The following FMN2 variants were observed in gnomAD, a reference collection of about 807,000 sequenced individuals.
The protein encoded by FMN2 is formin-2.
In FMN2, 51 loss-of-function variants were observed where a neutral mutation model predicts 142.3. The ratio of observed to expected loss-of-function variants is 0.36; its 90% CI spans 0.29 to 0.45. The LOEUF (loss-of-function observed/expected upper bound fraction) is 0.45, where lower values mean the gene tolerates loss of function less well. Ranked by LOEUF, FMN2 falls within the 20% of genes least tolerant of loss-of-function variation. The pLI is 1.00. For synonymous variants in FMN2, 882 were observed against 869.8 expected (o/e 1.01, Z -0.25); for missense variants, 1,936 against 2,122.8 (o/e 0.91, Z 1.73).
chr1:240,398,912 T>C (rs1318676930), intron 15 of FMN2, among the ~76,000 whole-genome samples: 1 of 152,136 alleles, frequency 6.6e-6, no homozygotes, highest in Non-Finnish European at 1.5e-5. Flanking sequence ...AAAAGTTTAG[T>C]GGTAGAATTA....
intron 14 of FMN2, among the ~76,000 whole-genome samples, chr1:240,368,370 T>C (rs987759851): frequency 2.6e-4 from 39 of 152,190 alleles, no homozygotes; most frequent in Non-Finnish European, 7.4e-5. Flanking sequence ...TGGTACAGAC[T>C]AGTGTTTATT....
intron 14 of FMN2, among the ~76,000 whole-genome samples, chr1:240,357,746 T>TA (rs1672322191): frequency 6.6e-6 from 1 of 151,998 alleles, no homozygotes; most frequent in Non-Finnish European, 1.5e-5. Flanking sequence ...TAGCTGCAAT[T>TA]ACAGGCACCC....
chr1:240,441,137 G>A (rs935590859), intron 16 of FMN2, among the ~76,000 whole-genome samples: 1 of 151,718 alleles, frequency 6.6e-6, no homozygotes, highest in South Asian at 2.1e-4. Flanking sequence ...TGAGACTACA[G>A]GTGCCCGCCT....
intron 16 of FMN2, among the ~76,000 whole-genome samples, chr1:240,465,423 G>A (rs181398195): frequency 6.6e-6 from 1 of 150,958 alleles, no homozygotes; most frequent in East Asian, 2.0e-4. Context: ...CTACTTTTGG[G>A]TAAAAAAGCT....
intron 14 of FMN2, among the ~76,000 whole-genome samples, chr1:240,376,299 G>A (rs1460943257): frequency 6.6e-6 from 1 of 151,760 alleles, no homozygotes; most frequent in Non-Finnish European, 1.5e-5. Context: ...TTTTAATTGG[G>A]GACATTTAGA....
chr1:240,382,663 A>G (rs781321104), intron 14 of FMN2, among the ~76,000 whole-genome samples: 24 of 152,012 alleles, frequency 1.6e-4, no homozygotes, highest in Admixed American at 5.2e-4. Context: ...TCCCTCTCAA[A>G]AAGAAAAAAA....
At chr1:240,238,905 T>C (rs975130020) in intron 6 of FMN2, among the ~76,000 whole-genome samples, 1 of 152,202 alleles carries the variant, frequency 6.6e-6, no homozygotes, top group African/African-American at 2.4e-5. Context: ...TTTCCATTTA[T>C]GATGCTCAAG....
At chr1:240,327,884 T>G (rs7413977) in intron 8 of FMN2, among the ~76,000 whole-genome samples, 11,566 of 151,846 alleles carry the variant, frequency 0.076, 641 homozygotes, top group Admixed American at 0.19. Flanking sequence ...CAGTGGCTCA[T>G]GCCTGTAATC....
intron 8 of FMN2, among the ~76,000 whole-genome samples, chr1:240,325,664 A>G (rs1484650868): frequency 2.0e-5 from 3 of 152,208 alleles, no homozygotes; most frequent in South Asian, 2.1e-4. Flanking sequence ...CTGAAATCGA[A>G]CAAGGCAATG....
chr1:240,301,214 G>T (rs1670186991), intron 8 of FMN2, among the ~76,000 whole-genome samples: 1 of 146,186 alleles, frequency 6.8e-6, no homozygotes, highest in Non-Finnish European at 1.5e-5. Context: ...ATATTTTTCA[G>T]TTATGCTAGG....
At chr1:240,367,104 T>G (rs1332712753) in intron 14 of FMN2, among the ~76,000 whole-genome samples, 1 of 152,218 alleles carries the variant, frequency 6.6e-6, no homozygotes, top group East Asian at 1.9e-4. Context: ...ATTTTATTTT[T>G]TTTAGTTGTT....
chr1:240,111,908 C>G (rs2103196023), intron 1 of FMN2, among the ~76,000 whole-genome samples: 1 of 152,248 alleles, frequency 6.6e-6, no homozygotes, highest in East Asian at 1.9e-4. Flanking sequence ...AGTCAAGGTA[C>G]AGAGTCCACG....
In FMN2 at chr1:240,208,648, A is replaced by G. The variant is rs770453874; in HGVS notation, c.3836A>G (p.Asp1279Gly). ...SGLFGLGMNQDKGSRKQPIEP... is the reference protein window; with the variant it reads ...SGLFGLGMNQGKGSRKQPIEP... ...TTGTTTGGATTAGGGATGAATCAGG[A>G]CAAAGGGAGTAGGAAGCAGCCCATA... is the stretch of plus-strand genomic sequence containing the variant. The change falls in exon 5 of 18, where the codon GAC becomes GGC. Residue 1279 changes from aspartate (D) to glycine (G), a missense_variant. Physicochemically the swap from Asp to Gly is moderately conservative, Grantham distance 94 (BLOSUM62 -1). Coordinates refer to ENST00000319653, the MANE Select transcript of FMN2 (RefSeq NM_020066.5). 2.5e-6 allele frequency: 4 copies of G among 1,613,894 alleles called. No individual in the cohort carries two copies. In the East Asian group the frequency reaches 8.9e-5, roughly 36 times the overall value.
chr1:240,205,789 T>C (rs991603113), intron 4 of FMN2, among the ~76,000 whole-genome samples: 3 of 151,920 alleles, frequency 2.0e-5, no homozygotes, highest in African/African-American at 7.2e-5. Flanking sequence ...CAAAACGTTT[T>C]TTTTTTCTTG....
At chr1:240,312,839 T>C (rs925459970) in intron 8 of FMN2, among the ~76,000 whole-genome samples, 2 of 152,168 alleles carry the variant, frequency 1.3e-5, no homozygotes, top group Admixed American at 1.3e-4. Flanking sequence ...AAAATGCACT[T>C]CTCGAACTGA....
intron 10 of FMN2, among the ~76,000 whole-genome samples, chr1:240,329,700 G>C (rs1336136033): frequency 6.6e-6 from 1 of 152,102 alleles, no homozygotes; most frequent in Non-Finnish European, 1.5e-5. Context: ...ATACATGTTG[G>C]CCTCCAGAGA....
At chr1:240,112,828 C>T (rs1463211347) in intron 1 of FMN2, among the ~76,000 whole-genome samples, 2 of 152,084 alleles carry the variant, frequency 1.3e-5, no homozygotes, top group African/African-American at 4.8e-5. Context: ...CCTGGCTGAC[C>T]CTGTGGTCCG....
intron 16 of FMN2, 166 bp from the exon 17 acceptor site, chr1:240,472,206 A>T: frequency 1.7e-6 from 1 of 582,150 alleles, no homozygotes; most frequent in Non-Finnish European, 3.0e-6. Flanking sequence ...TAGCTGTAAC[A>T]GTTGAGGCTT....
chr1:240,122,145 T>G (rs1662303451), intron 1 of FMN2, among the ~76,000 whole-genome samples: 2 of 151,872 alleles, frequency 1.3e-5, no homozygotes, highest in Non-Finnish European at 2.9e-5. Context: ...CGGAGTGCAA[T>G]GGCGTGATCG....
Sources: gnomAD v4.1 joint callset for allele counts (sites outside exome capture counted in the v4.1 genomes callset) on GRCh38, gnomAD v4.1.1 for gene constraint, MANE v1.5 for transcripts, NCBI Gene and HGNC (gene_info 2026-07-23, HGNC 2026-07-21) for gene names.